The following PDE11A variants were observed in gnomAD, a reference collection of about 807,000 sequenced individuals.
PDE11A encodes phosphodiesterase 11A.
In PDE11A, 100 loss-of-function variants were observed where a neutral mutation model predicts 100.5. The observed-to-expected ratio is 1.00, with a 90% CI of 0.85 to 1.18. The LOEUF is 1.18. Ranked by LOEUF, PDE11A falls within the 50% of genes most tolerant of loss-of-function variation. The pLI, the probability that PDE11A is intolerant of heterozygous loss-of-function variation, is 0.00. For missense variants in PDE11A, 1,141 were observed against 1,152.6 expected (o/e 0.99, Z 0.15); for synonymous variants, 381 against 420.8 (o/e 0.91, Z 1.16).
intron 5 of PDE11A, among the ~76,000 whole-genome samples, chr2:177,869,817 T>C (rs1317166769): frequency 1.3e-5 from 2 of 152,204 alleles, no homozygotes; most frequent in East Asian, 1.9e-4. Context: ...GTCATCTATG[T>C]TCTCAGTGTT....
intron 5 of PDE11A, among the ~76,000 whole-genome samples, chr2:177,847,990 T>TGTGTG (rs1558970184): frequency 3.4e-3 from 506 of 147,910 alleles, no homozygotes; most frequent in Non-Finnish European, 5.1e-3. Flanking sequence ...AATGGTGTGT[T>TGTGTG]TGTGTGTGTG....
At chr2:177,651,041 T>C (rs571715391) in intron 19 of PDE11A, among the ~76,000 whole-genome samples, 11 of 152,336 alleles carry the variant, frequency 7.2e-5, no homozygotes, top group African/African-American at 2.6e-4. Flanking sequence ...TTAGGTAAGT[T>C]ACAGAAGCTC....
chr2:177,711,809 C>T lies in PDE11A; in HGVS notation c.2113G>A (p.Asp705Asn), dbSNP rs565089042. 6.2e-7 allele frequency: 1 copy of T among 1,611,128 alleles called. No individual in the cohort carries two copies. Among genetic ancestry groups the T allele is most frequent in the Middle Eastern group, 1.7e-4 (1 of 6,056 alleles). Residue 705 changes from aspartate (D) to asparagine (N), a missense_variant, in exon 13 of 20, where the codon GAC becomes AAC. Transcript: ENST00000286063. ...TTGTTGGTTCCCCTGTGGTCGAGGTCATGACACAGGCATCCCACAATCACC... is the reference window on the plus strand; with the variant it reads ...TTGTTGGTTCCCCTGTGGTCGAGGTTATGACACAGGCATCCCACAATCACC... ...LAVIVGCLCH[D>N]LDHRGTNNAF...
At chr2:177,839,163 C>G (rs1327907557) in intron 6 of PDE11A, among the ~76,000 whole-genome samples, 2 of 152,196 alleles carry the variant, frequency 1.3e-5, no homozygotes, top group Non-Finnish European at 2.9e-5. Flanking sequence ...TGACCCCAGC[C>G]TCCCTGCCAT....
rs550540026 is a variant in PDE11A at position 177,752,542 on chromosome 2, C to T, written c.1788+16781G>A. Reference sequence around the variant, plus strand: ...TCTCCTGAATTTACTTTCCATTAGACGCATATACCCAAACATGTAAAAGAT... The same window carrying T: ...TCTCCTGAATTTACTTTCCATTAGATGCATATACCCAAACATGTAAAAGAT... On this transcript the variant is annotated intron_variant, in intron 10 of 19. Coordinates refer to ENST00000286063, the MANE Select transcript of PDE11A (RefSeq NM_016953.4). Among the ~76,000 whole-genome samples, 5 of 152,298 alleles carry T rather than the reference C, an allele frequency of 3.3e-5. No individual in the cohort carries two copies. The South Asian group carries it at 6.2e-4, about 19-fold the overall frequency.
At chr2:177,887,686 C>T (rs967317532) in intron 4 of PDE11A, among the ~76,000 whole-genome samples, 1 of 152,080 alleles carries the variant, frequency 6.6e-6, no homozygotes, top group African/African-American at 2.4e-5. Context: ...CCTGGGACGT[C>T]AAGGCTGCAG....
intron 5 of PDE11A, among the ~76,000 whole-genome samples, chr2:177,845,073 G>C (rs1349733793): frequency 6.6e-6 from 1 of 151,964 alleles, no homozygotes. Context: ...CAGACGGGGT[G>C]GTGGCCGGGC....
intron 2 of PDE11A, among the ~76,000 whole-genome samples, chr2:177,980,275 GC>G (rs145175763): frequency 0.099 from 14,955 of 150,672 alleles, 1,298 homozygotes; most frequent in Middle Eastern, 0.15. Context: ...GATAGTTTTA[GC>G]TTTTATATCC....
upstream of PDE11A, among the ~76,000 whole-genome samples, chr2:178,077,558 C>A (rs1301519864): frequency 6.6e-6 from 1 of 152,152 alleles, no homozygotes; most frequent in East Asian, 1.9e-4. Flanking sequence ...ACCAGTATCA[C>A]CTTCCACATA....
intron 9 of PDE11A, among the ~76,000 whole-genome samples, chr2:177,776,783 C>T (rs1375076818): frequency 6.6e-6 from 1 of 152,124 alleles, no homozygotes; most frequent in Non-Finnish European, 1.5e-5. Flanking sequence ...GAAAGATAGC[C>T]GTCACCAGAA....
chr2:177,757,140 T>C (rs977570984), intron 10 of PDE11A, among the ~76,000 whole-genome samples: 2 of 152,102 alleles, frequency 1.3e-5, no homozygotes, highest in African/African-American at 4.8e-5. Flanking sequence ...ATAAGAAAAA[T>C]AATAGTAGGG....
intron 2 of PDE11A, among the ~76,000 whole-genome samples, chr2:178,093,615 A>G (rs1212885993): frequency 2.0e-5 from 3 of 152,232 alleles, no homozygotes; most frequent in Non-Finnish European, 2.9e-5. Flanking sequence ...TATAATTGTT[A>G]TAATTAGAAG....
chr2:177,764,863 A>G (rs2082217500), intron 10 of PDE11A, among the ~76,000 whole-genome samples: 1 of 152,256 alleles, frequency 6.6e-6, no homozygotes, highest in Admixed American at 6.5e-5. Flanking sequence ...CCTGAATCAG[A>G]CTTTTGAAAT....
intron 1 of PDE11A, among the ~76,000 whole-genome samples, chr2:178,052,450 A>G (rs891310014): frequency 5.3e-5 from 8 of 152,332 alleles, no homozygotes; most frequent in Non-Finnish European, 1.0e-4. Flanking sequence ...CACAATTAAA[A>G]GAACTAGAGA....
At chr2:177,829,110 T>A (rs1165422294) in intron 6 of PDE11A, among the ~76,000 whole-genome samples, 1 of 151,944 alleles carries the variant, frequency 6.6e-6, no homozygotes, top group East Asian at 1.9e-4. Context: ...AAAGGGAGAA[T>A]CATGCCTATA....
chr2:177,721,009 A>T (rs763481212), intron 12 of PDE11A, among the ~76,000 whole-genome samples: 1 of 152,186 alleles, frequency 6.6e-6, no homozygotes, highest in Non-Finnish European at 1.5e-5. Flanking sequence ...ACAATTACAT[A>T]TGTTGCGTAG....
chr2:177,906,897 GT>G, intron 2 of PDE11A, among the ~76,000 whole-genome samples: 1 of 152,266 alleles, frequency 6.6e-6, no homozygotes, highest in South Asian at 2.1e-4. Flanking sequence ...TTGGCTCATT[GT>G]TTTTTTCTGC....
chr2:177,943,040 A>G (rs2085363147), intron 2 of PDE11A, among the ~76,000 whole-genome samples: 1 of 152,226 alleles, frequency 6.6e-6, no homozygotes, highest in Non-Finnish European at 1.5e-5. Context: ...GTAGCATGTA[A>G]CAGGATTTCT....
At chr2:177,667,089 T>C (rs1182896644) in intron 18 of PDE11A, among the ~76,000 whole-genome samples, 1 of 151,924 alleles carries the variant, frequency 6.6e-6, no homozygotes, top group African/African-American at 2.4e-5. Context: ...AATTTTTGTA[T>C]TTTTAGTAGA....
Sources: allele counts gnomAD v4.1 joint callset (sites outside exome capture counted in the v4.1 genomes callset), GRCh38; gene constraint gnomAD v4.1.1; transcripts MANE v1.5; gene names NCBI Gene and HGNC (gene_info 2026-07-23, HGNC 2026-07-21).